Variants in ZNF804A observed in about 807,000 individuals in gnomAD.
The protein encoded by ZNF804A is zinc finger protein 804A.
ZNF804A carries 2 observed loss-of-function variants against 16.5 expected under a neutral mutation model. The ratio of observed to expected loss-of-function variants is 0.12; its 90% confidence interval spans 0.05 to 0.38. ZNF804A has a LOEUF of 0.38. Ranked by LOEUF, ZNF804A falls within the 10% of genes least tolerant of loss-of-function variation. The probability of loss-of-function intolerance (pLI) is 0.99; values close to 1 mark genes in which losing one functional copy is unlikely to be tolerated. For missense variants in ZNF804A, 1,473 were observed against 1,390.7 expected (o/e 1.06, Z -0.94); for synonymous variants, 534 against 489.6 (o/e 1.09, Z -1.20).
intron 1 of ZNF804A, among the ~76,000 whole-genome samples, chr2:184,649,162 A>G (rs902704242): frequency 6.6e-6 from 1 of 152,136 alleles, no homozygotes; most frequent in African/African-American, 2.4e-5. Flanking sequence ...GAAATTCGAC[A>G]ACTTGATTGT....
chr2:184,782,136 A>AT (rs1382058540), intron 1 of ZNF804A, among the ~76,000 whole-genome samples: 1 of 151,736 alleles, frequency 6.6e-6, no homozygotes, highest in Non-Finnish European at 1.5e-5. Flanking sequence ...ATACAGTCAC[A>AT]TTTTTAAGTA....
chr2:184,812,001 T>C (rs991644835), intron 1 of ZNF804A, among the ~76,000 whole-genome samples: 2 of 152,236 alleles, frequency 1.3e-5, no homozygotes, highest in African/African-American at 4.8e-5. Flanking sequence ...AAGTCACTTA[T>C]TGTAGTTTGA....
intron 1 of ZNF804A, among the ~76,000 whole-genome samples, chr2:184,716,538 A>G (rs1693216793): frequency 6.6e-6 from 1 of 152,158 alleles, no homozygotes; most frequent in South Asian, 2.1e-4. Flanking sequence ...GATGGCAGTA[A>G]TGTGCTCACG....
In ZNF804A at chr2:184,739,781, T is replaced by C. The variant is rs147605044; in HGVS notation, c.112-126588T>C. 3.8e-3 allele frequency among the ~76,000 whole-genome samples: 581 copies of C among 152,286 alleles called. 5 individuals are homozygous for C. Among genetic ancestry groups the C allele is most frequent in the African/African-American group, 0.013 (554 of 41,574 alleles). On this transcript the variant is annotated intron_variant, in intron 1 of 3. Coordinates refer to ENST00000302277, the MANE Select transcript of ZNF804A (RefSeq NM_194250.2). ...ACCACTCAATGTCCCAATACTTTAA[T>C]CTCCCCTGCTCTTCAGATCTTACAT...
intron 2 of ZNF804A, among the ~76,000 whole-genome samples, chr2:184,918,296 G>A (rs1056544668): frequency 6.6e-6 from 1 of 152,116 alleles, no homozygotes; most frequent in Admixed American, 6.6e-5. Context: ...CAGTTCAGTG[G>A]AATAATTAAT....
chr2:184,721,585 C>T (rs1288574622), intron 1 of ZNF804A, among the ~76,000 whole-genome samples: 1 of 151,982 alleles, frequency 6.6e-6, no homozygotes, highest in East Asian at 1.9e-4. Flanking sequence ...AAAAAAATAA[C>T]AGGTGCTGGT....
At chr2:184,658,118 A>C (rs760665219) in intron 1 of ZNF804A, among the ~76,000 whole-genome samples, 11 of 152,186 alleles carry the variant, frequency 7.2e-5, no homozygotes, top group Non-Finnish European at 1.5e-4. Flanking sequence ...TGAATTTATG[A>C]TATTTAGACA....
chr2:184,727,899 T>C (rs1375583370), intron 1 of ZNF804A, among the ~76,000 whole-genome samples: 1 of 151,732 alleles, frequency 6.6e-6, no homozygotes, highest in East Asian at 1.9e-4. Context: ...TTTTGCAAAT[T>C]AAACTCAGAG....
At chr2:184,721,861 GATA>G (rs1348106946) in intron 1 of ZNF804A, among the ~76,000 whole-genome samples, 1 of 152,018 alleles carries the variant, frequency 6.6e-6, no homozygotes, top group Admixed American at 6.6e-5. Context: ...TGAATAAACT[GATA>G]AAGGAAATGT....
At chr2:184,857,139 T>C (rs1391562479) in intron 1 of ZNF804A, among the ~76,000 whole-genome samples, 2 of 152,104 alleles carry the variant, frequency 1.3e-5, no homozygotes, top group African/African-American at 2.4e-5. Context: ...ATTGCTTTCG[T>C]TGCATTCCTT....
chr2:184,752,441 C>T (rs992902982), intron 1 of ZNF804A, among the ~76,000 whole-genome samples: 1 of 151,354 alleles, frequency 6.6e-6, no homozygotes, highest in East Asian at 1.9e-4. Flanking sequence ...TACACATGGA[C>T]ATAAAGAAGC....
chr2:184,890,202 T>A (rs1165034938), intron 2 of ZNF804A, among the ~76,000 whole-genome samples: 1 of 152,168 alleles, frequency 6.6e-6, no homozygotes, highest in Non-Finnish European at 1.5e-5. Context: ...TATAGCTGAC[T>A]GGTAATTTTT....
chr2:184,933,830 G>A (rs1015783658), intron 3 of ZNF804A, 97 bp downstream of exon 3: 25 of 1,268,054 alleles, frequency 2.0e-5, no homozygotes, highest in Middle Eastern at 1.9e-4. Flanking sequence ...ATTTATTACT[G>A]TACCCAGAAT....
chr2:184,905,701 G>C (rs912125817), intron 2 of ZNF804A, among the ~76,000 whole-genome samples: 1 of 152,096 alleles, frequency 6.6e-6, no homozygotes, highest in Non-Finnish European at 1.5e-5. Context: ...CTGTGTTTAT[G>C]AGTACAATGT....
chr2:184,735,083 T>A (rs1693585624), intron 1 of ZNF804A, among the ~76,000 whole-genome samples: 1 of 152,170 alleles, frequency 6.6e-6, no homozygotes, highest in African/African-American at 2.4e-5. Context: ...AGATAACATG[T>A]AGTGGATCTT....
intron 1 of ZNF804A, among the ~76,000 whole-genome samples, chr2:184,705,919 T>A (rs1693023787): frequency 6.6e-6 from 1 of 152,166 alleles, no homozygotes; most frequent in Non-Finnish European, 1.5e-5. Context: ...CACCTTTTTT[T>A]ATGAGCCATG....
chr2:184,928,434 G>T lies in ZNF804A; in HGVS notation c.256-5169G>T, dbSNP rs1249236334. ...TATCTCTCTTCAAGCAGAATGAAGGGATCTTTTAGGAGCCATGAGCTCTGC... is the reference window on the plus strand; with the variant it reads ...TATCTCTCTTCAAGCAGAATGAAGGTATCTTTTAGGAGCCATGAGCTCTGC... On this transcript the variant is annotated intron_variant, in intron 2 of 3. Coordinates refer to ENST00000302277, the MANE Select transcript of ZNF804A (RefSeq NM_194250.2). Among the ~76,000 whole-genome samples, 3 of 151,966 alleles carry T rather than the reference G, an allele frequency of 2.0e-5. No homozygotes were observed. In the East Asian group the frequency reaches 5.8e-4, roughly 30 times the overall value.
chr2:184,745,601 A>G (rs553079659), intron 1 of ZNF804A, among the ~76,000 whole-genome samples: 2 of 151,802 alleles, frequency 1.3e-5, no homozygotes, highest in Non-Finnish European at 3.0e-5. Context: ...AATGTTCTTC[A>G]ATCAAATGTA....
intron 1 of ZNF804A, among the ~76,000 whole-genome samples, chr2:184,767,886 C>G (rs1039608481): frequency 6.6e-6 from 1 of 151,976 alleles, no homozygotes; most frequent in Non-Finnish European, 1.5e-5. Flanking sequence ...CAAATCTGTT[C>G]GCTACTAAAG....
Sources: gnomAD v4.1 joint callset for allele counts (sites outside exome capture counted in the v4.1 genomes callset) on GRCh38, gnomAD v4.1.1 for gene constraint, MANE v1.5 for transcripts, NCBI Gene and HGNC (gene_info 2026-07-23, HGNC 2026-07-21) for gene names.